CLVS1: variants seen among roughly 807,000 people sequenced by gnomAD.
The protein encoded by CLVS1 is clavesin 1.
CLVS1 carries 10 observed loss-of-function variants against 33.1 expected under a neutral mutation model. The observed-to-expected ratio is 0.30, with a 90% CI of 0.19 to 0.51. The LOEUF is 0.51. Among genes scored for constraint, CLVS1 ranks in the 20% least tolerant of loss-of-function variants. The probability of loss-of-function intolerance (pLI) is 0.97; values close to 1 mark genes in which losing one functional copy is unlikely to be tolerated. For missense variants in CLVS1, 343 were observed against 433.4 expected, an observed-to-expected ratio of 0.79 and a Z score of 1.85; for synonymous variants, 163 against 166.1, an observed-to-expected ratio of 0.98 and a Z score of 0.14.
At chr8:61,451,812 C>CAGAGAGAGAGAGAGAGAGAG (rs71257362) in intron 3 of CLVS1, among the ~76,000 whole-genome samples, 3 of 142,936 alleles carry the variant, frequency 2.1e-5, no homozygotes, top group African/African-American at 7.8e-5. Context: ...CACACACACA[C>CAGAGAGAGAGAGAGAGAGAG]AGAGAGAGAG....
chr8:61,099,744 T>C (rs960942408), intron 1 of CLVS1, among the ~76,000 whole-genome samples: 2 of 152,170 alleles, frequency 1.3e-5, no homozygotes, highest in Admixed American at 1.3e-4. Flanking sequence ...ACATCATCAT[T>C]TACAGCAGCA....
chr8:60,967,379 A>C, the CLVS1 span, among the ~76,000 whole-genome samples: 1 of 152,222 alleles, frequency 6.6e-6, no homozygotes, highest in Non-Finnish European at 1.5e-5. Context: ...GGTCAGAGAA[A>C]ACTCACTGGA....
intron 2 of CLVS1, among the ~76,000 whole-genome samples, chr8:61,189,591 A>G (rs1413003107): frequency 6.6e-6 from 1 of 152,232 alleles, no homozygotes; most frequent in East Asian, 1.9e-4. Context: ...TTGGATAAAG[A>G]GTCAAGACCC....
intron 3 of CLVS1, among the ~76,000 whole-genome samples, chr8:61,447,249 A>C (rs1022280940): frequency 6.6e-6 from 1 of 152,086 alleles, no homozygotes; most frequent in African/African-American, 2.4e-5. Flanking sequence ...TTTGCTTTGC[A>C]TATGTTGCAG....
chr8:61,308,831 G>A (rs1810730634), intron 2 of CLVS1, among the ~76,000 whole-genome samples: 1 of 152,154 alleles, frequency 6.6e-6, no homozygotes, highest in Non-Finnish European at 1.5e-5. Context: ...TAACAGTGAT[G>A]GAATTATTCC....
chr8:61,098,239 G>T (rs1235431583), intron 1 of CLVS1, among the ~76,000 whole-genome samples: 1 of 151,964 alleles, frequency 6.6e-6, no homozygotes, highest in Non-Finnish European at 1.5e-5. Context: ...GGTGAGGATC[G>T]CCCTCATGGT....
intron 2 of CLVS1, among the ~76,000 whole-genome samples, chr8:61,247,355 T>A (rs11777350): frequency 0.058 from 8,876 of 152,122 alleles, 426 homozygotes; most frequent in African/African-American, 0.13. Flanking sequence ...TGCTTTTAGC[T>A]CTTTGAGGGC....
intron 2 of CLVS1, chr8:61,202,260 G>C: frequency 1.8e-6 from 1 of 559,736 alleles, no homozygotes; most frequent in Non-Finnish European, 3.3e-6. Context: ...ATGTCCCCTG[G>C]TGTGATTCCA....
At chr8:61,274,681 G>C (rs574320558) in intron 2 of CLVS1, among the ~76,000 whole-genome samples, 1 of 152,280 alleles carries the variant, frequency 6.6e-6, no homozygotes, top group South Asian at 2.1e-4. Context: ...GATACATCAT[G>C]GCAAAGGAGC....
At chr8:61,319,711 C>T (rs1811128975) in intron 2 of CLVS1, among the ~76,000 whole-genome samples, 1 of 152,114 alleles carries the variant, frequency 6.6e-6, no homozygotes, top group Non-Finnish European at 1.5e-5. Flanking sequence ...ATATTTATTC[C>T]ACATTTCTGT....
rs537731211 is a variant in CLVS1 at position 61,398,603 on chromosome 8, G to A, written c.630+21824G>A. The stretch of plus-strand genomic sequence containing the variant: ...GCAGGATGTATAGACTTGTTACATA[G>A]ATAAACGTGTGCCATGGTGGTTTGC... On this transcript the variant is annotated intron_variant, in intron 3 of 5. Transcript: ENST00000325897. Among the ~76,000 whole-genome samples the A allele has an allele frequency of 3.9e-5, 6 of 152,192 alleles. No individual in the cohort carries two copies. In the South Asian group the frequency reaches 1.0e-3, roughly 26 times the overall value.
At chr8:61,189,834 AT>A (rs1807431141) in intron 2 of CLVS1, among the ~76,000 whole-genome samples, 1 of 152,210 alleles carries the variant, frequency 6.6e-6, no homozygotes, top group African/African-American at 2.4e-5. Flanking sequence ...TATCCTAAAT[AT>A]CTATGCACCC....
At chr8:61,499,332 C>T (rs923239204) in intron 5 of CLVS1, 123 bp from the exon 6 acceptor site, 2 of 641,272 alleles carry the variant, frequency 3.1e-6, no homozygotes, top group Non-Finnish European at 5.6e-6. Context: ...TGTGCCACTG[C>T]ACCCAGTTAA....
intron 1 of CLVS1, among the ~76,000 whole-genome samples, chr8:61,093,163 A>T (rs1805281977): frequency 6.6e-6 from 1 of 152,210 alleles, no homozygotes; most frequent in African/African-American, 2.4e-5. Flanking sequence ...TGTGTATATG[A>T]CAGCTATATA....
At chr8:61,212,160 G>A (rs1807983855) in intron 2 of CLVS1, among the ~76,000 whole-genome samples, 1 of 152,226 alleles carries the variant, frequency 6.6e-6, no homozygotes, top group South Asian at 2.1e-4. Flanking sequence ...GAGGCTGATA[G>A]CAGAAGCAGC....
intron 2 of CLVS1, among the ~76,000 whole-genome samples, chr8:61,143,781 ATAT>A (rs3056177): frequency 0.3 from 39,300 of 131,584 alleles, 5,543 homozygotes; most frequent in East Asian, 0.51. Flanking sequence ...TAATATGTAC[ATAT>A]TATATATACA....
At chr8:61,087,401 C>T (rs1277356168) in intron 1 of CLVS1, among the ~76,000 whole-genome samples, 6 of 152,170 alleles carry the variant, frequency 3.9e-5, no homozygotes, top group Admixed American at 2.0e-4. Context: ...TTGCCATGTC[C>T]AGTAAGCTCA....
rs1032277802 is a variant in CLVS1, at chr8:61,412,627, G to A, written c.630+35848G>A. On this transcript the variant is annotated intron_variant, in intron 3 of 5. Coordinates refer to ENST00000325897, the MANE Select transcript of CLVS1 (RefSeq NM_173519.3). ...GGCAGTGCATCTTGTAACAACCGGA[G>A]ATGGGGCAGCCTCCTGCTTCTCTGC... 3.7e-4 allele frequency among the ~76,000 whole-genome samples: 56 copies of A among 152,318 alleles called. 1 individual carries two copies. Among genetic ancestry groups the A allele is most frequent in the African/African-American group, 1.3e-3 (52 of 41,568 alleles).
intron 2 of CLVS1, among the ~76,000 whole-genome samples, chr8:61,305,538 G>T (rs1810592056): frequency 6.6e-6 from 1 of 152,002 alleles, no homozygotes; most frequent in South Asian, 2.1e-4. Context: ...ATATTTTGTT[G>T]TATGTATATA....
Sources: allele counts gnomAD v4.1 joint callset (sites outside exome capture counted in the v4.1 genomes callset), GRCh38; gene constraint gnomAD v4.1.1; transcripts MANE v1.5; gene names NCBI Gene and HGNC (gene_info 2026-07-23, HGNC 2026-07-21).